CHAC2: variants seen among roughly 807,000 people sequenced by gnomAD.
The protein encoded by CHAC2 is ChaC glutathione specific gamma-glutamylcyclotransferase 2, also known as glutathione-specific gamma-glutamylcyclotransferase 2.
In CHAC2, 20 loss-of-function variants were observed where a neutral mutation model predicts 16.9. The ratio of observed to expected loss-of-function variants is 1.18; its 90% CI spans 0.83 to 1.72. The LOEUF is 1.72. CHAC2 is among the 40% of genes most tolerant of loss of function. The pLI is 0.00. For missense variants in CHAC2, 269 were observed against 222.2 expected, an observed-to-expected ratio of 1.21 and a Z score of -1.34; for synonymous variants, 91 against 77.3, an observed-to-expected ratio of 1.18 and a Z score of -0.93.
rs139183420 is a variant in CHAC2 at position 53,768,174 on chromosome 2, C to A, written c.135+153C>A. ...TAACATTTCTGTAGATTTTCCCTGC[C>A]ACCTGCCCGCCATCTCTAACCCAGC... On this transcript the variant is annotated intron_variant, in intron 1 of 2. Transcript: ENST00000295304. 6.8e-6 allele frequency: 6 copies of A among 877,594 alleles called. No homozygotes were observed. In the African/African-American group the frequency reaches 8.4e-5, roughly 12 times the overall value. 54.4% of individuals were successfully genotyped at this position (877,594 alleles called of 1,614,324 possible). A position where few individuals can be genotyped will look rare whatever the true frequency, so the allele number is the denominator to read the frequency against.
At chr2:53,770,263 C>A (rs1342570723) in intron 1 of CHAC2, among the ~76,000 whole-genome samples, 1 of 152,052 alleles carries the variant, frequency 6.6e-6, no homozygotes, top group Non-Finnish European at 1.5e-5. Context: ...AATGAGAAAT[C>A]ATAATCCAAA....
chr2:53,769,551 A>G (rs1673744633), intron 1 of CHAC2, among the ~76,000 whole-genome samples: 1 of 152,244 alleles, frequency 6.6e-6, no homozygotes, highest in Non-Finnish European at 1.5e-5. Flanking sequence ...ATTCTTTAAA[A>G]GGAGAAAGGG....
intron 1 of CHAC2, among the ~76,000 whole-genome samples, chr2:53,770,316 T>C (rs892087700): frequency 6.6e-6 from 1 of 152,112 alleles, no homozygotes; most frequent in African/African-American, 2.4e-5. Context: ...TACGAACAGA[T>C]GAAGACTAAA....
rs766609404 is a variant in CHAC2 at position 53,774,125 on chromosome 2, T to G, written c.172-17T>G. 1.3e-6 allele frequency: 2 copies of G among 1,572,764 alleles called. No homozygotes were observed. The highest frequency in any genetic ancestry group is 1.7e-6 in the Non-Finnish European group (2 of 1,165,030). ...TTAGCCTTATAATACCAGTGTATTC[T>G]TTTCATTTTTCAACAGGGATGTGTA... On this transcript the variant is annotated splice_polypyrimidine_tract_variant and intron_variant, in intron 2 of 2. Transcript: ENST00000295304.
chr2:53,771,236 C>T (rs1187225207), intron 1 of CHAC2, among the ~76,000 whole-genome samples: 1 of 152,062 alleles, frequency 6.6e-6, no homozygotes, highest in Non-Finnish European at 1.5e-5. Context: ...AACTATAGGC[C>T]GGGTGCGGTG....
At chr2:53,768,686 T>C (rs959667632) in intron 1 of CHAC2, among the ~76,000 whole-genome samples, 1 of 152,252 alleles carries the variant, frequency 6.6e-6, no homozygotes, top group Non-Finnish European at 1.5e-5. Context: ...ATTATTTTAA[T>C]GTTACTTTCT....
At chr2:53,769,786 G>A (rs925958979) in intron 1 of CHAC2, among the ~76,000 whole-genome samples, 2 of 152,174 alleles carry the variant, frequency 1.3e-5, no homozygotes, top group African/African-American at 2.4e-5. Context: ...ACGTTGCGGT[G>A]AGCTGAGATT....
chr2:53,768,054 CCCCCTGA>C lies in CHAC2; in HGVS notation c.135+40_135+46del, dbSNP rs1230010990. 9 of 1,607,372 alleles carry C rather than the reference CCCCCTGA, an allele frequency of 5.6e-6. No individual in the cohort carries two copies. In the South Asian group the frequency reaches 6.6e-5, roughly 12 times the overall value. Reference sequence around the variant, plus strand: ...GCCGGTCAGCTCCCCACACTTACTGCCCCCTGACCCCTGCTCCCCAACTCCACACACA... The same window carrying C: ...GCCGGTCAGCTCCCCACACTTACTGCCCCCTGCTCCCCAACTCCACACACA... On this transcript the variant is annotated intron_variant, in intron 1 of 2. Transcript: ENST00000295304.
chr2:53,770,498 TAAAAAAAAAAA>T (rs76201682), intron 1 of CHAC2, among the ~76,000 whole-genome samples: 2 of 110,560 alleles, frequency 1.8e-5, no homozygotes, highest in African/African-American at 6.8e-5. Context: ...GAAGTTTATT[TAAAAAAAAAAA>T]AAAAAAAAAA....
chr2:53,774,499 G>C lies in CHAC2; in HGVS notation c.529G>C (p.Gly177Arg). The C allele has an allele frequency of 1.3e-6, 2 of 1,561,978 alleles. No individual in the cohort carries two copies. The highest frequency in any genetic ancestry group is 1.7e-6 in the Non-Finnish European group (2 of 1,159,110). ...AAAATTAGTAAAGGAACGTTTAGAA[G>C]GGAAACAGAACCTCAATTGCATATA... Reference protein sequence around the residue: ...LEKLVKERLEGKQNLNCI With the variant: ...LEKLVKERLERKQNLNCI The change falls in exon 3 of 3, where the codon GGG becomes CGG. Residue 177 changes from glycine to arginine, a missense_variant. Transcript: ENST00000295304.
At chr2:53,770,485 G>T (rs1160280447) in intron 1 of CHAC2, among the ~76,000 whole-genome samples, 1 of 138,692 alleles carries the variant, frequency 7.2e-6, no homozygotes, top group Non-Finnish European at 1.5e-5. Flanking sequence ...GTACTCCGTG[G>T]ACGAAGTTTA....
intron 1 of CHAC2, among the ~76,000 whole-genome samples, chr2:53,769,109 A>AT (rs1673708936): frequency 6.6e-6 from 1 of 152,242 alleles, no homozygotes; most frequent in Admixed American, 6.5e-5. Context: ...CTTAGGATAA[A>AT]TGCACATTTA....
At chr2:53,771,864 C>G (rs1206179957) in intron 1 of CHAC2, 43 bp from the exon 2 acceptor site, 2 of 1,221,366 alleles carry the variant, frequency 1.6e-6, no homozygotes, top group East Asian at 2.4e-5. Flanking sequence ...ACTTAATGAA[C>G]TTTATTAATT....
At chr2:53,772,994 G>T (rs1056745615) in intron 2 of CHAC2, among the ~76,000 whole-genome samples, 5 of 152,102 alleles carry the variant, frequency 3.3e-5, no homozygotes, top group Non-Finnish European at 5.9e-5. Flanking sequence ...TTGGGGTACA[G>T]ATTCAGAATT....
chr2:53,769,260 C>A (rs982950268), intron 1 of CHAC2, among the ~76,000 whole-genome samples: 4 of 152,160 alleles, frequency 2.6e-5, no homozygotes, highest in Admixed American at 6.5e-5. Flanking sequence ...CCTCTGATCC[C>A]AACACTTCGG....
At chr2:53,768,078 C>G (rs938404977) in intron 1 of CHAC2, 57 bp downstream of exon 1, 1 of 1,590,066 alleles carries the variant, frequency 6.3e-7, no homozygotes, top group Non-Finnish European at 8.6e-7. Context: ...CTCCCCAACT[C>G]CACACACAGC....
intron 2 of CHAC2, among the ~76,000 whole-genome samples, chr2:53,772,823 C>CCTAGTATCAATTAGTTATTTTT (rs1674037116): frequency 6.6e-6 from 1 of 152,036 alleles, no homozygotes; most frequent in Non-Finnish European, 1.5e-5. Context: ...TAACATTAAG[C>CCTAGTATCAATTAGTTATTTTT]CTAGTATCAA....
At chr2:53,772,845 T>C (rs995332161) in intron 2 of CHAC2, among the ~76,000 whole-genome samples, 8 of 152,132 alleles carry the variant, frequency 5.3e-5, no homozygotes, top group African/African-American at 1.9e-4. Context: ...TAGTTATTTT[T>C]CTAGATCCTC....
intron 1 of CHAC2, among the ~76,000 whole-genome samples, chr2:53,770,254 A>G (rs1219542830): frequency 6.6e-6 from 1 of 152,198 alleles, no homozygotes; most frequent in Admixed American, 6.5e-5. Context: ...GGAAAATTAA[A>G]TGAGAAATCA....
Sources: gnomAD v4.1 joint callset for allele counts (sites outside exome capture counted in the v4.1 genomes callset) on GRCh38, gnomAD v4.1.1 for gene constraint, MANE v1.5 for transcripts, NCBI Gene and HGNC (gene_info 2026-07-23, HGNC 2026-07-21) for gene names.